The following TENM3 variants were observed in gnomAD, a reference collection of about 807,000 sequenced individuals.
The protein encoded by TENM3 is teneurin-3.
In TENM3, 63 loss-of-function variants were observed where a neutral mutation model predicts 255.1. That is an observed-to-expected ratio of 0.25 (90% confidence interval 0.20 to 0.30). The LOEUF (loss-of-function observed/expected upper bound fraction) is 0.30. Ranked by LOEUF, TENM3 falls within the 10% of genes least tolerant of loss-of-function variation. The pLI is 1.00. For missense variants in TENM3, 2,929 were observed against 3,461.1 expected (o/e 0.85, Z 3.86); for synonymous variants, 1,306 against 1,322.3 (o/e 0.99, Z 0.27).
In TENM3 at chr4:182,496,327, C is replaced by G. The variant is rs557154473; in HGVS notation, c.512-104597C>G. Among the ~76,000 whole-genome samples, 23 of 152,150 alleles carry G rather than the reference C, an allele frequency of 1.5e-4. 1 individual carries two copies. In the South Asian group the frequency reaches 4.6e-3, roughly 30 times the overall value. On this transcript the variant is annotated intron_variant, in intron 3 of 27. Coordinates refer to ENST00000511685, the MANE Select transcript of TENM3 (RefSeq NM_001080477.4). ...ATTTTCCCTACCTTCTCCTCACTTC[C>G]TTTTACAGAAATGATATATCAGAAT...
the TENM3 span, among the ~76,000 whole-genome samples, chr4:181,454,330 C>G: frequency 6.6e-6 from 1 of 152,082 alleles, no homozygotes; most frequent in African/African-American, 2.4e-5. Flanking sequence ...ATGTTTCAGT[C>G]AACAGTGGAC....
the TENM3 span, among the ~76,000 whole-genome samples, chr4:181,683,281 G>A: frequency 2.0e-5 from 3 of 152,062 alleles, no homozygotes; most frequent in South Asian, 2.1e-4. Context: ...AGTCAGTCAT[G>A]ACTCACCTAG....
intron 13 of TENM3, among the ~76,000 whole-genome samples, chr4:182,717,953 G>T (rs1759340908): frequency 6.6e-6 from 1 of 152,152 alleles, no homozygotes; most frequent in South Asian, 2.1e-4. Flanking sequence ...TGGAGTGGGG[G>T]TTAAGACAGT....
chr4:181,496,658 C>T, the TENM3 span, among the ~76,000 whole-genome samples: 9 of 152,222 alleles, frequency 5.9e-5, no homozygotes, highest in Admixed American at 1.3e-4. Context: ...TTTACTATGG[C>T]GTGTGTTTGA....
At chr4:181,469,302 GA>G in the TENM3 span, among the ~76,000 whole-genome samples, 22 of 151,940 alleles carry the variant, frequency 1.4e-4, no homozygotes, top group Non-Finnish European at 3.1e-4. Context: ...ACATATGAAA[GA>G]AAAAATATAT....
intron 1 of TENM3, among the ~76,000 whole-genome samples, chr4:182,204,563 T>C (rs1026306792): frequency 2.0e-5 from 3 of 152,192 alleles, no homozygotes; most frequent in African/African-American, 7.2e-5. Flanking sequence ...TCAACTCAGG[T>C]TGTCTCAGTC....
At chr4:182,204,534 G>A (rs980117486) in intron 1 of TENM3, among the ~76,000 whole-genome samples, 38 of 152,264 alleles carry the variant, frequency 2.5e-4, no homozygotes, top group African/African-American at 8.4e-4. Context: ...ACACCCCTGC[G>A]TCTTCCAGAC....
At chr4:181,660,657 A>C in the TENM3 span, among the ~76,000 whole-genome samples, 1 of 152,180 alleles carries the variant, frequency 6.6e-6, no homozygotes, top group Non-Finnish European at 1.5e-5. Flanking sequence ...TGCAATTTGC[A>C]GCTGAAATTA....
intron 1 of TENM3, among the ~76,000 whole-genome samples, chr4:182,171,637 T>C (rs549299222): frequency 2.6e-5 from 4 of 152,190 alleles, no homozygotes; most frequent in Non-Finnish European, 4.4e-5. Flanking sequence ...CCCAGATAGA[T>C]TGGTTGTAAT....
intron 12 of TENM3, among the ~76,000 whole-genome samples, chr4:182,708,526 G>A (rs1240658322): frequency 2.6e-5 from 4 of 152,204 alleles, no homozygotes; most frequent in Admixed American, 6.5e-5. Flanking sequence ...CTGGCGGGGC[G>A]TGGTGGCTCA....
rs751992602 is a variant in TENM3 at position 182,680,369 on chromosome 4, C to A, written c.1639+20C>A. On this transcript the variant is annotated intron_variant, in intron 9 of 27. Transcript: ENST00000511685. ...CAAGAGGTATGCAAGTTAGATTCTT[C>A]TCTTAAGCCGATATAAATAAGCTGT... The A allele has an allele frequency of 6.3e-7, 1 of 1,577,930 alleles. No individual in the cohort carries two copies. Among genetic ancestry groups the A allele is most frequent in the African/African-American group, 1.4e-5 (1 of 74,042 alleles).
the TENM3 span, among the ~76,000 whole-genome samples, chr4:181,712,166 T>G: frequency 6.6e-6 from 1 of 152,114 alleles, no homozygotes; most frequent in East Asian, 1.9e-4. Flanking sequence ...TGAGAGACCT[T>G]TGGTTCTGAT....
Position 182,639,323 on chromosome 4 carries a change from A to T in TENM3, c.988+10434A>T, listed in dbSNP as rs551573097. 9.2e-5 allele frequency among the ~76,000 whole-genome samples: 14 copies of T among 152,326 alleles called. No individual in the cohort carries two copies. In the East Asian group the frequency reaches 2.7e-3, roughly 29 times the overall value. The stretch of plus-strand genomic sequence containing the variant: ...CTTGAACAGGGTAGTTAACCTTCGT[A>T]AACCTGAATTTCTTCCTCAATATAA... On this transcript the variant is annotated intron_variant, in intron 5 of 27. Coordinates refer to ENST00000511685, the MANE Select transcript of TENM3 (RefSeq NM_001080477.4).
the TENM3 span, among the ~76,000 whole-genome samples, chr4:181,870,231 C>T: frequency 6.6e-6 from 1 of 152,094 alleles, no homozygotes; most frequent in African/African-American, 2.4e-5. Flanking sequence ...TCATTCTCCT[C>T]CTGTATATTT....
chr4:181,773,316 G>A, the TENM3 span, among the ~76,000 whole-genome samples: 1 of 152,134 alleles, frequency 6.6e-6, no homozygotes, highest in African/African-American at 2.4e-5. Context: ...GTCAATAGCA[G>A]CACGAAAGTT....
the TENM3 span, among the ~76,000 whole-genome samples, chr4:181,982,932 G>T: frequency 6.6e-6 from 1 of 152,126 alleles, no homozygotes; most frequent in Non-Finnish European, 1.5e-5. Context: ...TTACCTGAAG[G>T]TTGGGGGTCG....
At chr4:182,313,996 T>C (rs997118090) in intron 1 of TENM3, among the ~76,000 whole-genome samples, 1 of 152,238 alleles carries the variant, frequency 6.6e-6, no homozygotes, top group South Asian at 2.1e-4. Flanking sequence ...CTTTATATTC[T>C]GTCTCCTTTC....
chr4:182,235,285 G>A (rs1185185697), intron 1 of TENM3, among the ~76,000 whole-genome samples: 1 of 152,134 alleles, frequency 6.6e-6, no homozygotes, highest in Non-Finnish European at 1.5e-5. Context: ...ATATTAATAG[G>A]TTAAAAATGT....
the TENM3 span, chr4:181,877,088 C>T: frequency 6.6e-6 from 1 of 152,074 alleles, no homozygotes; most frequent in Non-Finnish European, 1.5e-5. Context: ...AGCTGTGTAA[C>T]ATACACATGT....
Sources: gnomAD v4.1 joint callset for allele counts (sites outside exome capture counted in the v4.1 genomes callset) on GRCh38, gnomAD v4.1.1 for gene constraint, MANE v1.5 for transcripts, NCBI Gene and HGNC (gene_info 2026-07-23, HGNC 2026-07-21) for gene names.